SPATA16: variants seen among roughly 807,000 people sequenced by gnomAD.
The protein encoded by SPATA16 is spermatogenesis-associated protein 16.
In SPATA16, 36 loss-of-function variants were observed where a neutral mutation model predicts 63.3. The observed-to-expected ratio is 0.57, with a 90% CI of 0.44 to 0.75. SPATA16 has a LOEUF of 0.75. Among genes scored for constraint, SPATA16 ranks in the 30% least tolerant of loss-of-function variants. The probability of loss-of-function intolerance (pLI) is 0.00; values close to 1 mark genes in which losing one functional copy is unlikely to be tolerated. For synonymous variants in SPATA16, 203 were observed against 216.7 expected (o/e 0.94, Z 0.56); for missense variants, 646 against 679.3 (o/e 0.95, Z 0.54).
At chr3:173,080,414 T>C (rs9855044) in intron 2 of SPATA16, among the ~76,000 whole-genome samples, 4,259 of 152,016 alleles carry the variant, frequency 0.028, 216 homozygotes, top group African/African-American at 0.099. Context: ...GACAGGTTTT[T>C]CATGTTGAAA....
chr3:173,138,413 T>G (rs1039167102), intron 1 of SPATA16, among the ~76,000 whole-genome samples: 3 of 152,186 alleles, frequency 2.0e-5, no homozygotes, highest in Non-Finnish European at 2.9e-5. Context: ...TATTTTCAAC[T>G]CTATATTTTC....
At chr3:172,992,265 G>A (rs1734595622) in intron 4 of SPATA16, among the ~76,000 whole-genome samples, 1 of 152,074 alleles carries the variant, frequency 6.6e-6, no homozygotes, top group Non-Finnish European at 1.5e-5. Context: ...GAGGCATTAA[G>A]TAATGGTAGC....
chr3:173,054,973 A>G (rs868632330), intron 2 of SPATA16, among the ~76,000 whole-genome samples: 2 of 152,204 alleles, frequency 1.3e-5, no homozygotes, highest in South Asian at 4.1e-4. Context: ...AAATAATCTA[A>G]TTTGAAAGTG....
intron 5 of SPATA16, among the ~76,000 whole-genome samples, chr3:172,963,023 A>G (rs1733825756): frequency 6.6e-6 from 1 of 152,124 alleles, no homozygotes; most frequent in Non-Finnish European, 1.5e-5. Flanking sequence ...TATAAACACA[A>G]TCACTGTGTC....
chr3:172,968,867 A>G (rs1733978982), intron 5 of SPATA16, among the ~76,000 whole-genome samples: 1 of 152,264 alleles, frequency 6.6e-6, no homozygotes, highest in Non-Finnish European at 1.5e-5. Context: ...AACCATGGAA[A>G]CATATCATTA....
intron 2 of SPATA16, among the ~76,000 whole-genome samples, chr3:173,086,795 A>C (rs1329828380): frequency 6.6e-6 from 1 of 151,970 alleles, no homozygotes; most frequent in Non-Finnish European, 1.5e-5. Context: ...TCATTATTTA[A>C]GAAGTCATTC....
chr3:172,928,197 C>T (rs962408763), intron 6 of SPATA16, among the ~76,000 whole-genome samples: 1 of 152,220 alleles, frequency 6.6e-6, no homozygotes, highest in African/African-American at 2.4e-5. Context: ...GCATGAGCCA[C>T]TGCACCTAGC....
chr3:173,126,316 A>G (rs1014800243), intron 1 of SPATA16, among the ~76,000 whole-genome samples: 6 of 152,226 alleles, frequency 3.9e-5, no homozygotes, highest in African/African-American at 1.2e-4. Context: ...ATTTGTAAAA[A>G]CAATTACTCA....
chr3:172,954,005 A>G (rs1323539560), intron 6 of SPATA16, among the ~76,000 whole-genome samples: 3 of 152,244 alleles, frequency 2.0e-5, no homozygotes, highest in Non-Finnish European at 2.9e-5. Context: ...CAGTCTATTC[A>G]TACTGGTTGC....
intron 2 of SPATA16, among the ~76,000 whole-genome samples, chr3:173,114,004 AC>A (rs1737819483): frequency 6.6e-6 from 1 of 152,050 alleles, no homozygotes; most frequent in South Asian, 2.1e-4. Flanking sequence ...ATACGGTGAA[AC>A]CCTGTCTCTA....
At chr3:173,130,358 C>CAAAAAAA (rs1202660573) in intron 1 of SPATA16, among the ~76,000 whole-genome samples, 5 of 39,918 alleles carry the variant, frequency 1.3e-4, no homozygotes, top group Admixed American at 2.9e-4. Context: ...GACTTCGTCT[C>CAAAAAAA]AAAAAAAAAA....
intron 10 of SPATA16, 27 bp from the exon 11 acceptor site, chr3:172,889,719 G>A: frequency 6.2e-7 from 1 of 1,610,424 alleles, no homozygotes; most frequent in African/African-American, 1.3e-5. Flanking sequence ...GATGCAACAA[G>A]ATTTGTTGTT....
At chr3:172,892,239 C>T (rs957049728) in intron 10 of SPATA16, among the ~76,000 whole-genome samples, 1 of 152,152 alleles carries the variant, frequency 6.6e-6, no homozygotes, top group Non-Finnish European at 1.5e-5. Context: ...GTAGAAAGGG[C>T]ACTGGATGAG....
intron 10 of SPATA16, among the ~76,000 whole-genome samples, chr3:172,894,717 C>T (rs1357722943): frequency 5.3e-5 from 8 of 152,086 alleles, no homozygotes; most frequent in Non-Finnish European, 7.4e-5. Context: ...CTTTGGGAGG[C>T]GATTAGGTCA....
chr3:172,960,893 C>CTTTCTTTCTTTCTTT (rs1441747138), intron 5 of SPATA16, among the ~76,000 whole-genome samples: 20 of 147,882 alleles, frequency 1.4e-4, no homozygotes, highest in East Asian at 1.9e-4. Context: ...TTCTCTCTCT[C>CTTTCTTTCTTTCTTT]CTTCCTTCCT....
At chr3:172,959,139 ATATCC>A (rs1369293667) in intron 5 of SPATA16, among the ~76,000 whole-genome samples, 6 of 152,204 alleles carry the variant, frequency 3.9e-5, no homozygotes, top group African/African-American at 1.4e-4. Context: ...GATATTAGTG[ATATCC>A]TAGTCAGGCT....
In SPATA16 at chr3:172,995,478, G is replaced by A. The variant is rs532008552; in HGVS notation, c.849-18426C>T. Reference sequence around the variant, plus strand: ...TAAAGAAAGAGAGTATAAAAGAATAGCAGGATAAGCTTCAGAAGCTAAAAT... The same window carrying A: ...TAAAGAAAGAGAGTATAAAAGAATAACAGGATAAGCTTCAGAAGCTAAAAT... On this transcript the variant is annotated intron_variant, in intron 4 of 10. Transcript: ENST00000351008. Among the ~76,000 whole-genome samples the A allele has an allele frequency of 5.3e-5, 8 of 152,114 alleles. No homozygotes were observed. In the South Asian group the frequency reaches 1.5e-3, roughly 28 times the overall value.
chr3:173,122,508 C>G (rs1385117639), intron 1 of SPATA16, among the ~76,000 whole-genome samples: 1 of 150,692 alleles, frequency 6.6e-6, no homozygotes, highest in Admixed American at 6.6e-5. Context: ...GGTTTTCTTT[C>G]TTTAAAAAAA....
chr3:173,114,112 G>A lies in SPATA16; in HGVS notation c.612+3008C>T, dbSNP rs559895674. ...GGAGAATCACTTGAACCTGGGAGGC[G>A]GAGGTTGCAGTGAGCTGAGATTGCA... On this transcript the variant is annotated intron_variant, in intron 2 of 10. Coordinates refer to ENST00000351008, the MANE Select transcript of SPATA16 (RefSeq NM_031955.6). Among the ~76,000 whole-genome samples the A allele has an allele frequency of 1.9e-3, 285 of 150,824 alleles. 1 individual carries two copies. The highest frequency in any genetic ancestry group is 6.7e-3 in the African/African-American group (274 of 40,948).
Sources: allele counts gnomAD v4.1 joint callset (sites outside exome capture counted in the v4.1 genomes callset), GRCh38; gene constraint gnomAD v4.1.1; transcripts MANE v1.5; gene names NCBI Gene and HGNC (gene_info 2026-07-23, HGNC 2026-07-21).